FARS2: variants seen among roughly 807,000 people sequenced by gnomAD.
FARS2 encodes phenylalanine--tRNA ligase, mitochondrial.
Under a neutral mutation model 46.4 loss-of-function variants are expected in FARS2, and 40 were observed. The ratio of observed to expected loss-of-function variants is 0.86; its 90% CI spans 0.67 to 1.12. FARS2 has a LOEUF of 1.12. FARS2 is among the 50% of genes most tolerant of loss of function. The pLI is 0.00. For synonymous variants in FARS2, 234 were observed against 214.9 expected, an observed-to-expected ratio of 1.09 and a Z score of -0.78; for missense variants, 513 against 567.9, an observed-to-expected ratio of 0.90 and a Z score of 0.98.
intron 1 of FARS2, among the ~76,000 whole-genome samples, chr6:5,276,682 G>T (rs1051496684): frequency 6.6e-6 from 1 of 151,912 alleles, no homozygotes; most frequent in Non-Finnish European, 1.5e-5. Context: ...ATCACTCTGG[G>T]TCCCCAAACT....
chr6:5,507,880 C>T (rs932575874), intron 4 of FARS2, among the ~76,000 whole-genome samples: 3 of 152,170 alleles, frequency 2.0e-5, no homozygotes, highest in Admixed American at 6.5e-5. Context: ...TAAAACCTGA[C>T]GATCCAAATG....
intron 5 of FARS2, among the ~76,000 whole-genome samples, chr6:5,595,126 A>G (rs1451809814): frequency 6.6e-6 from 1 of 152,178 alleles, no homozygotes; most frequent in Non-Finnish European, 1.5e-5. Flanking sequence ...CCCAAGAGCA[A>G]AGCCGAAGGT....
At chr6:5,453,981 T>C (rs1394952188) in intron 4 of FARS2, among the ~76,000 whole-genome samples, 12 of 152,212 alleles carry the variant, frequency 7.9e-5, no homozygotes, top group Admixed American at 7.9e-4. Flanking sequence ...GAGGGAGGTT[T>C]AACAAGGAGG....
At position 5,387,826 on chromosome 6, in the gene FARS2, C is replaced by T. The variant is rs142275159; in HGVS notation, c.613-16716C>T. 8.5e-5 allele frequency among the ~76,000 whole-genome samples: 13 copies of T among 152,244 alleles called. No individual in the cohort carries two copies. In the East Asian group the frequency reaches 2.5e-3, roughly 29 times the overall value. On this transcript the variant is annotated intron_variant, in intron 2 of 6. Transcript: ENST00000274680. ...AGAGACTGAAGTGTTGTTCCTGGAG[C>T]TGCAATCTGTCTATAGCATGCTGAA...
At chr6:5,356,683 C>T (rs1757953224) in intron 1 of FARS2, among the ~76,000 whole-genome samples, 1 of 151,468 alleles carries the variant, frequency 6.6e-6, no homozygotes, top group African/African-American at 2.4e-5. Flanking sequence ...ACACATAAGA[C>T]AATATTATAT....
chr6:5,688,629 T>A (rs189235934), intron 6 of FARS2, among the ~76,000 whole-genome samples: 2 of 152,296 alleles, frequency 1.3e-5, no homozygotes, highest in African/African-American at 2.4e-5. Flanking sequence ...ATTTTTGCAT[T>A]GATGTTCATG....
At chr6:5,512,076 G>A (rs754200120) in intron 4 of FARS2, among the ~76,000 whole-genome samples, 5 of 151,990 alleles carry the variant, frequency 3.3e-5, no homozygotes, top group Non-Finnish European at 5.9e-5. Context: ...TGGCTTACCC[G>A]CCCAGTAAAT....
intron 2 of FARS2, among the ~76,000 whole-genome samples, chr6:5,369,888 T>A (rs1758939061): frequency 6.6e-6 from 1 of 151,894 alleles, no homozygotes; most frequent in South Asian, 2.1e-4. Flanking sequence ...GTTGTTTTTT[T>A]TTTTGCAAAT....
chr6:5,730,622 G>A (rs890385553), intron 6 of FARS2, among the ~76,000 whole-genome samples: 2 of 152,094 alleles, frequency 1.3e-5, no homozygotes, highest in Admixed American at 1.3e-4. Flanking sequence ...CGAGCCCAGG[G>A]CCAGTAGAGA....
At chr6:5,429,292 A>G (rs1763028370) in intron 3 of FARS2, among the ~76,000 whole-genome samples, 1 of 152,210 alleles carries the variant, frequency 6.6e-6, no homozygotes, top group African/African-American at 2.4e-5. Context: ...ATATTGTATT[A>G]CTGTTGTAAA....
At chr6:5,616,280 T>TA (rs571051554) in intron 6 of FARS2, among the ~76,000 whole-genome samples, 44 of 152,274 alleles carry the variant, frequency 2.9e-4, no homozygotes, top group African/African-American at 1.0e-3. Flanking sequence ...CCTGGACTTT[T>TA]ATGTGAGAAA....
chr6:5,374,307 T>G (rs1393542800), intron 2 of FARS2, among the ~76,000 whole-genome samples: 1 of 152,080 alleles, frequency 6.6e-6, no homozygotes, highest in Non-Finnish European at 1.5e-5. Context: ...TCAAAAACAT[T>G]GGCTGAATAT....
chr6:5,720,839 G>A (rs1759846405), intron 6 of FARS2, among the ~76,000 whole-genome samples: 3 of 152,194 alleles, frequency 2.0e-5, no homozygotes, highest in Admixed American at 2.0e-4. Flanking sequence ...TTGAGGATAG[G>A]AGTTCAAGAC....
intron 1 of FARS2, among the ~76,000 whole-genome samples, chr6:5,310,675 T>A (rs1769025041): frequency 6.6e-6 from 1 of 152,206 alleles, no homozygotes; most frequent in African/African-American, 2.4e-5. Context: ...TAGTGAGACA[T>A]CATTTTTGAC....
At chr6:5,366,449 C>T (rs1265561751) in intron 1 of FARS2, among the ~76,000 whole-genome samples, 1 of 152,168 alleles carries the variant, frequency 6.6e-6, no homozygotes, top group Non-Finnish European at 1.5e-5. Flanking sequence ...CCATCTCTCT[C>T]TGTTAGAGAT....
intron 1 of FARS2, among the ~76,000 whole-genome samples, chr6:5,340,814 A>G (rs1163547954): frequency 6.6e-6 from 1 of 151,876 alleles, no homozygotes; most frequent in African/African-American, 2.4e-5. Flanking sequence ...GGGAGGAGGA[A>G]CCATCTGCCT....
chr6:5,392,847 ATAT>A (rs1403669913), intron 2 of FARS2, among the ~76,000 whole-genome samples: 2 of 106,108 alleles, frequency 1.9e-5, no homozygotes, highest in Non-Finnish European at 4.3e-5. Flanking sequence ...ATGTGTGTAT[ATAT>A]TATATGTGTG....
intron 5 of FARS2, among the ~76,000 whole-genome samples, chr6:5,580,367 C>T (rs543500516): frequency 1.3e-5 from 2 of 150,858 alleles, no homozygotes; most frequent in African/African-American, 2.4e-5. Flanking sequence ...GAGTTTAAGA[C>T]GGTTTGATTC....
intron 5 of FARS2, among the ~76,000 whole-genome samples, chr6:5,585,600 G>A (rs1400426754): frequency 6.6e-6 from 1 of 151,674 alleles, no homozygotes; most frequent in African/African-American, 2.4e-5. Flanking sequence ...CTATTTCACT[G>A]AGCGTAATGT....
Sources: allele counts gnomAD v4.1 joint callset (sites outside exome capture counted in the v4.1 genomes callset), GRCh38; gene constraint gnomAD v4.1.1; transcripts MANE v1.5; gene names NCBI Gene and HGNC (gene_info 2026-07-23, HGNC 2026-07-21).